The following SH3BP4 variants were observed in gnomAD, a reference collection of about 807,000 sequenced individuals.
SH3BP4 encodes the protein SH3 domain binding protein 4, also known as SH3 domain-binding protein 4.
In SH3BP4, 33 loss-of-function variants were observed where a neutral mutation model predicts 65.5. The ratio of observed to expected loss-of-function variants is 0.50; its 90% CI spans 0.38 to 0.67. The LOEUF is 0.67. Ranked by LOEUF, SH3BP4 falls within the 30% of genes least tolerant of loss-of-function variation. The pLI, the probability that SH3BP4 is intolerant of heterozygous loss-of-function variation, is 0.00. For missense variants in SH3BP4, 1,134 were observed against 1,261.4 expected, an observed-to-expected ratio of 0.90 and a Z score of 1.53; for synonymous variants, 552 against 545.5, an observed-to-expected ratio of 1.01 and a Z score of -0.17.
intron 1 of SH3BP4, among the ~76,000 whole-genome samples, chr2:234,957,817 A>G (rs1692622480): frequency 6.6e-6 from 1 of 151,948 alleles, no homozygotes; most frequent in Non-Finnish European, 1.5e-5. Flanking sequence ...GGCGTGGCAG[A>G]CCCTGTGTAT....
intron 2 of SH3BP4, among the ~76,000 whole-genome samples, chr2:235,029,162 G>T (rs1183840977): frequency 6.6e-6 from 1 of 152,238 alleles, no homozygotes; most frequent in African/African-American, 2.4e-5. Context: ...CTGGGGAGAG[G>T]TCAGCCAGAG....
chr2:235,053,402 C>T (rs1435976352), intron 5 of SH3BP4, among the ~76,000 whole-genome samples, 190 bp from the exon 6 acceptor site: 1 of 152,136 alleles, frequency 6.6e-6, no homozygotes, highest in African/African-American at 2.4e-5. Context: ...CCTGCTTTTC[C>T]CTCTGGAATG....
rs940016386 is a variant in SH3BP4, at chr2:234,967,831, G to A, written c.-207+15661G>A. On this transcript the variant is annotated intron_variant, in intron 1 of 5. Coordinates refer to ENST00000392011, the MANE Select transcript of SH3BP4 (RefSeq NM_014521.3). The surrounding 1 kb of genome is among the most constrained non-coding windows in gnomAD (Gnocchi z 4.6). ...CAGGATCCCTGCCACCCTGAGTGGCGGATGCTGCAGAGACAACTCTTTATA... is the reference window on the plus strand; with the variant it reads ...CAGGATCCCTGCCACCCTGAGTGGCAGATGCTGCAGAGACAACTCTTTATA... 6.6e-6 allele frequency among the ~76,000 whole-genome samples: 1 copy of A among 152,166 alleles called. No homozygotes were observed. Among genetic ancestry groups the A allele is most frequent in the African/African-American group, 2.4e-5 (1 of 41,448 alleles).
At chr2:234,964,481 G>T (rs577177882) in intron 1 of SH3BP4, among the ~76,000 whole-genome samples, 3 of 152,140 alleles carry the variant, frequency 2.0e-5, no homozygotes, top group Admixed American at 2.0e-4. Context: ...CCCAGCAGGG[G>T]AGAAGGGGCA....
In SH3BP4 at chr2:234,988,598, G is replaced by A. The variant is rs376995543; in HGVS notation, c.-206-6705G>A. Among the ~76,000 whole-genome samples the A allele has an allele frequency of 1.2e-4, 18 of 152,230 alleles. No individual in the cohort carries two copies. In the South Asian group the frequency reaches 2.9e-3, roughly 25 times the overall value. Reference sequence around the variant, plus strand: ...GGGCCCTGTGTCTCATTGTCCTCCCGTCTTCACACTCAAAGGCAGGGGGCC... The same window carrying A: ...GGGCCCTGTGTCTCATTGTCCTCCCATCTTCACACTCAAAGGCAGGGGGCC... On this transcript the variant is annotated intron_variant, in intron 1 of 5. Transcript: ENST00000392011.
intron 2 of SH3BP4, among the ~76,000 whole-genome samples, chr2:235,016,702 G>T (rs1355231987): frequency 6.6e-6 from 1 of 152,082 alleles, no homozygotes; most frequent in Non-Finnish European, 1.5e-5. Flanking sequence ...TTAGAGATGG[G>T]GTTTCACCAT....
At chr2:235,038,378 T>TAC (rs1386523954) in intron 3 of SH3BP4, among the ~76,000 whole-genome samples, 1 of 22,756 alleles carries the variant, frequency 4.4e-5, no homozygotes, top group Non-Finnish European at 7.8e-5. Flanking sequence ...TATATATACA[T>TAC]ATATATATAT....
intron 2 of SH3BP4, among the ~76,000 whole-genome samples, chr2:235,004,565 G>A (rs987145979): frequency 5.9e-5 from 9 of 152,098 alleles, no homozygotes; most frequent in South Asian, 4.1e-4. Flanking sequence ...CTCTGCTTTC[G>A]GTTTCTATGG....
chr2:234,994,997 G>C (rs1263898763), intron 1 of SH3BP4: 1 of 152,374 alleles, frequency 6.6e-6, no homozygotes. Flanking sequence ...GCTAGTCACT[G>C]GCCTGGTCAT....
At chr2:235,006,244 G>T (rs571054115) in intron 2 of SH3BP4, among the ~76,000 whole-genome samples, 2 of 152,348 alleles carry the variant, frequency 1.3e-5, no homozygotes, top group East Asian at 1.9e-4. Flanking sequence ...GCTTTGTTCC[G>T]CGAGGATTTT....
In SH3BP4 at chr2:235,052,916, G is replaced by A. The variant is rs1313129747; in HGVS notation, c.2667+166G>A. On this transcript the variant is annotated intron_variant, in intron 5 of 5. Transcript: ENST00000392011. The surrounding 1 kb of genome is among the most constrained non-coding windows in gnomAD (Gnocchi z 5.0). The stretch of plus-strand genomic sequence containing the variant: ...AGCACTGGGTGTGCCTCACTGAGTG[G>A]GAGCCATCCTCCGGATTGGTTGTCG... 6.6e-6 allele frequency among the ~76,000 whole-genome samples: 1 copy of A among 152,234 alleles called. No individual in the cohort carries two copies. The highest frequency in any genetic ancestry group is 2.4e-5 in the African/African-American group (1 of 41,460).
chr2:235,027,111 G>A (rs934842490), intron 2 of SH3BP4, among the ~76,000 whole-genome samples: 5 of 152,228 alleles, frequency 3.3e-5, no homozygotes, highest in Non-Finnish European at 5.9e-5. Flanking sequence ...GCTGGTCCTC[G>A]CCCTGAGTCG....
intron 1 of SH3BP4, among the ~76,000 whole-genome samples, chr2:234,963,598 C>T (rs1183707923): frequency 6.6e-6 from 1 of 152,212 alleles, no homozygotes; most frequent in East Asian, 1.9e-4. Flanking sequence ...TTTTAGGATG[C>T]ACACATACAT....
In SH3BP4 at chr2:235,026,454, G is replaced by C. The variant is rs1695004793; in HGVS notation, c.-132-8417G>C. ...TTGAATGTGTGCAAGTTATAACCCG[G>C]TGTCTGGCACAGAGAACCTTAGCGC... is the stretch of plus-strand genomic sequence containing the variant. On this transcript the variant is annotated intron_variant, in intron 2 of 5. Coordinates refer to ENST00000392011, the MANE Select transcript of SH3BP4 (RefSeq NM_014521.3). The surrounding 1 kb of genome is among the most constrained non-coding windows in gnomAD (Gnocchi z 4.6). 2.6e-5 allele frequency among the ~76,000 whole-genome samples: 4 copies of C among 152,164 alleles called. No homozygotes were observed. The highest frequency in any genetic ancestry group is 2.0e-4 in the Admixed American group (3 of 15,282).
intron 1 of SH3BP4, among the ~76,000 whole-genome samples, chr2:234,980,175 T>G (rs1478090709): frequency 6.6e-6 from 1 of 152,188 alleles, no homozygotes; most frequent in Non-Finnish European, 1.5e-5. Flanking sequence ...CCCCCCCTTA[T>G]CTGCAGGGGA....
intron 1 of SH3BP4, among the ~76,000 whole-genome samples, chr2:234,964,470 G>A (rs910318154): frequency 2.0e-5 from 3 of 152,188 alleles, no homozygotes. Flanking sequence ...GGAGTTCACT[G>A]CCCAGCAGGG....
rs531658558 is a variant in SH3BP4, at chr2:235,025,102, G to A, written c.-132-9769G>A. On this transcript the variant is annotated intron_variant, in intron 2 of 5. Coordinates refer to ENST00000392011, the MANE Select transcript of SH3BP4 (RefSeq NM_014521.3). ...TGTTTGCTGTCAGCCATCTGACACG[G>A]GCGGGCCAGCCTTCCCATGTGATTC... 2.3e-3 allele frequency among the ~76,000 whole-genome samples: 343 copies of A among 152,182 alleles called. 2 individuals carry two copies. The highest frequency in any genetic ancestry group is 7.9e-3 in the African/African-American group (326 of 41,516).
rs1574799181 is a variant in SH3BP4, at chr2:234,992,022, TAAGTA to T, written c.-206-3277_-206-3273del. On this transcript the variant is annotated intron_variant, in intron 1 of 5. Coordinates refer to ENST00000392011, the MANE Select transcript of SH3BP4 (RefSeq NM_014521.3). Reference sequence around the variant, plus strand: ...CTCAGCTTCAGGACCACAAGGCTGTTAAGTAAAGACGCTGCCTAAAGAACCTGCCA... The same window carrying T: ...CTCAGCTTCAGGACCACAAGGCTGTTAAGACGCTGCCTAAAGAACCTGCCA... 2.6e-5 allele frequency among the ~76,000 whole-genome samples: 4 copies of T among 152,334 alleles called. No individual in the cohort carries two copies. In the East Asian group the frequency reaches 7.7e-4, roughly 29 times the overall value.
intron 1 of SH3BP4, among the ~76,000 whole-genome samples, chr2:234,968,377 CTTTT>C (rs551034590): frequency 3.8e-5 from 4 of 105,772 alleles, no homozygotes; most frequent in Non-Finnish European, 8.0e-5. Context: ...CAGAGTTGTT[CTTTT>C]TTTTTTTTTT....
Sources: gnomAD v4.1 joint callset for allele counts (sites outside exome capture counted in the v4.1 genomes callset) on GRCh38, gnomAD v4.1.1 for gene constraint, Gnocchi (gnomAD v3.1) non-coding constraint, MANE v1.5 for transcripts, NCBI Gene and HGNC (gene_info 2026-07-23, HGNC 2026-07-21) for gene names.